The following CADPS variants were observed in gnomAD, a reference collection of about 807,000 sequenced individuals.
The protein encoded by CADPS is calcium-dependent secretion activator 1.
Under a neutral mutation model 167.3 loss-of-function variants are expected in CADPS, and 57 were observed. The observed-to-expected ratio is 0.34, with a 90% CI of 0.28 to 0.42. The LOEUF is 0.42. Ranked by LOEUF, CADPS falls within the 20% of genes least tolerant of loss-of-function variation. CADPS has a pLI of 1.00. For synonymous variants in CADPS, 676 were observed against 635.3 expected (o/e 1.06, Z -0.96); for missense variants, 1,414 against 1,738.1 (o/e 0.81, Z 3.32).
rs543515543 is a variant in CADPS, at chr3:62,701,501, C to T, written c.889-39107G>A. On this transcript the variant is annotated intron_variant, in intron 3 of 29. Coordinates refer to ENST00000383710, the MANE Select transcript of CADPS (RefSeq NM_003716.4). Reference sequence around the variant, plus strand: ...AAGATGCCCTGTAGTCCCAGCTACTCGGGAGGCTGAGGCAGGAGAATTGTT... The same window carrying T: ...AAGATGCCCTGTAGTCCCAGCTACTTGGGAGGCTGAGGCAGGAGAATTGTT... 4.9e-4 allele frequency among the ~76,000 whole-genome samples: 73 copies of T among 150,236 alleles called. 1 individual carries two copies. Among genetic ancestry groups the T allele is most frequent in the South Asian group, 1.3e-3 (6 of 4,740 alleles).
At chr3:62,711,899 A>G (rs35409801) in intron 3 of CADPS, among the ~76,000 whole-genome samples, 11,730 of 152,282 alleles carry the variant, frequency 0.077, 607 homozygotes, top group Non-Finnish European at 0.12. Context: ...TAAAAAACCA[A>G]CACAATCCTG....
chr3:62,712,488 T>C (rs143002743), intron 3 of CADPS, among the ~76,000 whole-genome samples: 20 of 152,360 alleles, frequency 1.3e-4, no homozygotes, highest in Non-Finnish European at 2.4e-4. Flanking sequence ...TGTTTGTACT[T>C]ATTCAATGTT....
At chr3:62,492,142 T>C (rs544704725) in intron 20 of CADPS, 148 bp downstream of exon 20, 19 of 684,764 alleles carry the variant, frequency 2.8e-5, no homozygotes, top group Non-Finnish European at 4.6e-5. Context: ...CCTTCAGCTG[T>C]ATGTTTCTTT....
At chr3:62,463,095 T>G (rs1364527329) in intron 26 of CADPS, among the ~76,000 whole-genome samples, 1 of 152,200 alleles carries the variant, frequency 6.6e-6, no homozygotes, top group Admixed American at 6.5e-5. Context: ...GCAAAATGTC[T>G]CTGAAAAGGG....
At chr3:62,816,748 A>G (rs928195885) in intron 1 of CADPS, among the ~76,000 whole-genome samples, 2 of 151,976 alleles carry the variant, frequency 1.3e-5, no homozygotes, top group Non-Finnish European at 2.9e-5. Flanking sequence ...TAAAAATGCA[A>G]TTTCTCTTAG....
chr3:62,493,333 C>T (rs1449003660), intron 19 of CADPS, among the ~76,000 whole-genome samples: 1 of 152,044 alleles, frequency 6.6e-6, no homozygotes. Context: ...TGTCAACAGG[C>T]CCTGTTTTGC....
intron 24 of CADPS, among the ~76,000 whole-genome samples, chr3:62,472,837 AG>A (rs950888523): frequency 2.0e-5 from 3 of 152,210 alleles, no homozygotes; most frequent in African/African-American, 7.2e-5. Flanking sequence ...GTCTTCCCCA[AG>A]GGGGGCTATC....
In CADPS at chr3:62,465,161, A is replaced by G. The variant is rs2059803651; in HGVS notation, c.3636+206T>C. Among the ~76,000 whole-genome samples the G allele has an allele frequency of 6.6e-6, 1 of 152,306 alleles. No homozygotes were observed. Among genetic ancestry groups the G allele is most frequent in the African/African-American group, 2.4e-5 (1 of 41,570 alleles). ...TTCATAAAAAATACACACATATTGT[A>G]CCTTTACAAATGAAATAGAAATGAT... On this transcript the variant is annotated intron_variant, in intron 26 of 29. Coordinates refer to ENST00000383710, the MANE Select transcript of CADPS (RefSeq NM_003716.4). This position sits in a 1 kb window ranked among gnomAD's most constrained non-coding sequence, Gnocchi z 4.1.
At chr3:62,712,714 A>C (rs1047705194) in intron 3 of CADPS, among the ~76,000 whole-genome samples, 5 of 152,226 alleles carry the variant, frequency 3.3e-5, no homozygotes, top group Non-Finnish European at 7.3e-5. Context: ...TGCACTTTTA[A>C]AAATATGTGA....
chr3:62,831,417 A>G (rs1334260694), intron 1 of CADPS, among the ~76,000 whole-genome samples: 3 of 152,118 alleles, frequency 2.0e-5, no homozygotes, highest in Non-Finnish European at 2.9e-5. Context: ...CAACAGTTCC[A>G]TTGTCACAGT....
At chr3:62,474,858 T>TAA (rs2061070336) in intron 23 of CADPS, among the ~76,000 whole-genome samples, 1 of 152,190 alleles carries the variant, frequency 6.6e-6, no homozygotes, top group Non-Finnish European at 1.5e-5. Flanking sequence ...TACATTGCTT[T>TAA]AAAGACTACA....
intron 8 of CADPS, among the ~76,000 whole-genome samples, chr3:62,579,620 C>G (rs1450018364): frequency 6.6e-6 from 1 of 151,980 alleles, no homozygotes; most frequent in Non-Finnish European, 1.5e-5. Context: ...ACAGCCAGGA[C>G]AAGGGTCTTG....
intron 18 of CADPS, among the ~76,000 whole-genome samples, chr3:62,497,633 A>T (rs1561269440): frequency 6.6e-6 from 1 of 152,184 alleles, no homozygotes; most frequent in Non-Finnish European, 1.5e-5. Flanking sequence ...ATGCTGCATG[A>T]ATTAGTTCTA....
At position 62,446,156 on chromosome 3, in the gene CADPS, C is replaced by G. The variant is rs764346071; in HGVS notation, c.3637-359G>C. On this transcript the variant is annotated intron_variant, in intron 26 of 29. Coordinates refer to ENST00000383710, the MANE Select transcript of CADPS (RefSeq NM_003716.4). The surrounding 1 kb of genome is among the most constrained non-coding windows in gnomAD (Gnocchi z 4.9). ...ACTAAGATTGCTGTTACTTCTGGTA[C>G]CTTGGGTCTTTGTGTAATTTGGCTG... Among the ~76,000 whole-genome samples, 26 of 152,134 alleles carry G rather than the reference C, an allele frequency of 1.7e-4. No individual in the cohort carries two copies. Among genetic ancestry groups the G allele is most frequent in the Non-Finnish European group, 3.2e-4 (22 of 68,034 alleles).
intron 5 of CADPS, 113 bp from the exon 6 acceptor site, chr3:62,645,956 C>G: frequency 8.3e-7 from 1 of 1,200,208 alleles, no homozygotes; most frequent in Non-Finnish European, 1.2e-6. Context: ...TATCTGATGG[C>G]TTCTGTTAGG....
intron 13 of CADPS, among the ~76,000 whole-genome samples, chr3:62,519,971 A>G (rs1463082255): frequency 6.6e-6 from 1 of 152,138 alleles, no homozygotes; most frequent in Non-Finnish European, 1.5e-5. Context: ...TTGTTAATGA[A>G]CTGAACACAC....
chr3:62,588,808 C>G (rs1562538889), intron 7 of CADPS, among the ~76,000 whole-genome samples: 1 of 152,058 alleles, frequency 6.6e-6, no homozygotes, highest in Non-Finnish European at 1.5e-5. Flanking sequence ...CATATGAAAA[C>G]TAATCACCAA....
intron 1 of CADPS, among the ~76,000 whole-genome samples, chr3:62,843,256 A>G (rs1283991837): frequency 6.6e-6 from 1 of 152,236 alleles, no homozygotes. Flanking sequence ...AAGGTTAATA[A>G]TATTAAACAG....
At chr3:62,573,715 C>T (rs1019301499) in intron 8 of CADPS, among the ~76,000 whole-genome samples, 1 of 152,174 alleles carries the variant, frequency 6.6e-6, no homozygotes, top group Admixed American at 6.5e-5. Context: ...TAAACCTTTA[C>T]TTTGATGTCA....
Sources: gnomAD v4.1 joint callset for allele counts (sites outside exome capture counted in the v4.1 genomes callset) on GRCh38, gnomAD v4.1.1 for gene constraint, Gnocchi (gnomAD v3.1) non-coding constraint, MANE v1.5 for transcripts, NCBI Gene and HGNC (gene_info 2026-07-23, HGNC 2026-07-21) for gene names.